FBXO47: variants seen among roughly 807,000 people sequenced by gnomAD.
The protein encoded by FBXO47 is F-box only protein 47.
In FBXO47, 34 loss-of-function variants were observed where a neutral mutation model predicts 53.9. The observed-to-expected ratio is 0.63, with a 90% CI of 0.48 to 0.84. The LOEUF (loss-of-function observed/expected upper bound fraction) is 0.84, where lower values mean the gene tolerates loss of function less well. Among genes scored for constraint, FBXO47 ranks in the 40% least tolerant of loss-of-function variants. The pLI, the probability that FBXO47 is intolerant of heterozygous loss-of-function variation, is 0.00. For synonymous variants in FBXO47, 165 were observed against 181.6 expected (o/e 0.91, Z 0.73); for missense variants, 485 against 541.3 (o/e 0.90, Z 1.03).
intron 1 of FBXO47, among the ~76,000 whole-genome samples, chr17:38,963,499 A>G (rs755851986): frequency 2.6e-5 from 4 of 152,070 alleles, no homozygotes; most frequent in Non-Finnish European, 5.9e-5. Flanking sequence ...TTACAGCTAA[A>G]ATTTAAATAG....
chr17:38,951,212 T>C (rs192901146), intron 6 of FBXO47, among the ~76,000 whole-genome samples: 118 of 152,130 alleles, frequency 7.8e-4, no homozygotes, highest in Admixed American at 3.4e-3. Context: ...TTTTTATTTA[T>C]CGAGACAGGG....
intron 4 of FBXO47, among the ~76,000 whole-genome samples, chr17:38,955,135 C>A (rs546899403): frequency 2.4e-4 from 36 of 152,224 alleles, no homozygotes; most frequent in Non-Finnish European, 4.9e-4. Context: ...TGCCTGTAAT[C>A]CCAGCACTTT....
chr17:38,964,336 C>T (rs989657779), intron 1 of FBXO47, among the ~76,000 whole-genome samples: 1 of 151,870 alleles, frequency 6.6e-6, no homozygotes, highest in Non-Finnish European at 1.5e-5. Flanking sequence ...TGGCTCATTC[C>T]TGTAATCCCA....
chr17:38,943,504 T>A, intron 8 of FBXO47, 86 bp downstream of exon 8: 1 of 811,334 alleles, frequency 1.2e-6, no homozygotes, highest in Non-Finnish European at 1.8e-6. Context: ...ACATCATTTG[T>A]TACCTGTAGA....
At position 38,939,858 on chromosome 17, in the gene FBXO47, G is replaced by A. The variant is rs921902108; in HGVS notation, c.1084-1126C>T. Among the ~76,000 whole-genome samples, 9 of 149,826 alleles carry A rather than the reference G, an allele frequency of 6.0e-5. No homozygotes were observed. In the South Asian group the frequency reaches 1.1e-3, roughly 18 times the overall value. Reference sequence around the variant, plus strand: ...AATTTTTTGTATTTTTAGTAGAGACGGGGTTTCACCTTGTTAGCCAGGATG... The same window carrying A: ...AATTTTTTGTATTTTTAGTAGAGACAGGGTTTCACCTTGTTAGCCAGGATG... On this transcript the variant is annotated intron_variant, in intron 9 of 10. Transcript: ENST00000378079.
chr17:38,941,959 A>G (rs976473599), intron 9 of FBXO47, among the ~76,000 whole-genome samples: 1 of 151,962 alleles, frequency 6.6e-6, no homozygotes, highest in Non-Finnish European at 1.5e-5. Context: ...TACAGGTGTG[A>G]GCCATCCCGT....
chr17:38,946,372 ATATATATAAATATATATATC>A lies in FBXO47; in HGVS notation c.617-1256_617-1237del, dbSNP rs1567716667. Among the ~76,000 whole-genome samples the A allele has an allele frequency of 6.7e-5, 6 of 89,404 alleles. 1 individual carries two copies. Among genetic ancestry groups the A allele is most frequent in the African/African-American group, 2.5e-4 (5 of 19,882 alleles). The allele number at this position is 89,404 out of a possible 152,430, so 58.7% of individuals were successfully genotyped here. On this transcript the variant is annotated intron_variant, in intron 6 of 10. Coordinates refer to ENST00000378079, the MANE Select transcript of FBXO47 (RefSeq NM_001008777.3). ...TATAAATATATATAAATATATAGAT[ATATATATAAATATATATATC>A]TATATATAAATATATAGATATATAT...
At position 38,943,696 on chromosome 17, in the gene FBXO47, A is replaced by G. The variant is rs760606466; in HGVS notation, c.834T>C (p.Asp278=). 5.0e-6 allele frequency: 8 copies of G among 1,610,664 alleles called. No homozygotes were observed. In the Admixed American group the frequency reaches 1.2e-4, roughly 24 times the overall value. The change falls in exon 8 of 11, where the codon GAT becomes GAC. Residue 278 remains aspartate, a synonymous_variant. Coordinates refer to ENST00000378079, the MANE Select transcript of FBXO47 (RefSeq NM_001008777.3). The part of the protein sequence containing the change: ...VWQEMIEEPT[D]EFSLKGLADA... ...CAGCCAAACCTTTCAGACTGAATTC[A>G]TCTGTAGGTTCTTCTATCATTTCCT...
intron 3 of FBXO47, among the ~76,000 whole-genome samples, chr17:38,959,598 A>AT (rs1245353311): frequency 6.7e-6 from 1 of 150,144 alleles, no homozygotes; most frequent in African/African-American, 2.5e-5. Context: ...AAAAAAAAAA[A>AT]AAAAAGAAAA....
intron 6 of FBXO47, among the ~76,000 whole-genome samples, chr17:38,949,509 T>G (rs1905117590): frequency 6.6e-6 from 1 of 152,090 alleles, no homozygotes; most frequent in Non-Finnish European, 1.5e-5. Context: ...TGTGGTCATG[T>G]TTTCATTTCT....
Position 38,936,445 on chromosome 17 carries a change from A to C in FBXO47, c.*730T>G, listed in dbSNP as rs1422449569. Reference sequence around the variant, plus strand: ...GGCAGCAGAATCGCTATTTTCTTTCATTTTATTTTTCTCTTATTTGCTACA... The same window carrying C: ...GGCAGCAGAATCGCTATTTTCTTTCCTTTTATTTTTCTCTTATTTGCTACA... On this transcript the variant is annotated 3_prime_UTR_variant, in exon 11 of 11. Transcript: ENST00000378079. 6.6e-6 allele frequency: 1 copy of C among 152,090 alleles called. No homozygotes were observed. The highest frequency in any genetic ancestry group is 1.5e-5 in the Non-Finnish European group (1 of 68,014). 9.4% of individuals were successfully genotyped at this position (152,090 alleles called of 1,614,324 possible). A position where few individuals can be genotyped will look rare whatever the true frequency, so the allele number is the denominator to read the frequency against.
chr17:38,966,106 T>C (rs1906107927), intron 1 of FBXO47, among the ~76,000 whole-genome samples: 1 of 152,198 alleles, frequency 6.6e-6, no homozygotes, highest in Admixed American at 6.6e-5. Flanking sequence ...CTACAAGTAA[T>C]CATATTTTAA....
At chr17:38,950,671 T>C (rs949566883) in intron 6 of FBXO47, among the ~76,000 whole-genome samples, 5 of 152,040 alleles carry the variant, frequency 3.3e-5, no homozygotes, top group Non-Finnish European at 7.4e-5. Flanking sequence ...CAGCTCGATA[T>C]AAGGTTCTAT....
chr17:38,943,309 C>T (rs1274006597), intron 8 of FBXO47, among the ~76,000 whole-genome samples: 3 of 152,006 alleles, frequency 2.0e-5, no homozygotes, highest in Non-Finnish European at 2.9e-5. Flanking sequence ...GAGGGTGTTT[C>T]TGAGAATTTA....
At chr17:38,945,489 C>A (rs1904712209) in intron 6 of FBXO47, among the ~76,000 whole-genome samples, 1 of 152,060 alleles carries the variant, frequency 6.6e-6, no homozygotes, top group South Asian at 2.1e-4. Context: ...CTGAAAGTGT[C>A]ACTTCATTTT....
At chr17:38,937,694 G>A (rs1365418641) in intron 10 of FBXO47, among the ~76,000 whole-genome samples, 5 of 151,796 alleles carry the variant, frequency 3.3e-5, no homozygotes, top group African/African-American at 7.3e-5. Flanking sequence ...TTGAGACAGC[G>A]TCTCCCTGTG....
chr17:38,957,341 A>C, intron 3 of FBXO47, 88 bp from the exon 4 acceptor site: 1 of 904,478 alleles, frequency 1.1e-6, no homozygotes, highest in South Asian at 1.4e-5. Context: ...CTGAAAGTCA[A>C]GTATGGTATA....
chr17:38,950,618 G>A (rs1163730556), intron 6 of FBXO47, among the ~76,000 whole-genome samples: 5 of 151,874 alleles, frequency 3.3e-5, no homozygotes, highest in Non-Finnish European at 5.9e-5. Context: ...CCATTCATAT[G>A]CATGTCTCCT....
At chr17:38,958,327 T>A (rs1327358579) in intron 3 of FBXO47, among the ~76,000 whole-genome samples, 1 of 152,112 alleles carries the variant, frequency 6.6e-6, no homozygotes, top group Non-Finnish European at 1.5e-5. Context: ...TCATAAGTAC[T>A]TAAAATTTCA....
Sources: allele counts gnomAD v4.1 joint callset (sites outside exome capture counted in the v4.1 genomes callset), GRCh38; gene constraint gnomAD v4.1.1; transcripts MANE v1.5; gene names NCBI Gene and HGNC (gene_info 2026-07-23, HGNC 2026-07-21).